Variants in AXDND1 observed in about 807,000 individuals in gnomAD.
AXDND1 encodes axonemal dynein light chain domain containing 1.
Under a neutral mutation model 137.5 loss-of-function variants are expected in AXDND1, and 110 were observed. The observed-to-expected ratio is 0.80, with a 90% CI of 0.69 to 0.94. The LOEUF (loss-of-function observed/expected upper bound fraction) is 0.94. Among genes scored for constraint, AXDND1 ranks in the 40% least tolerant of loss-of-function variants. The pLI is 0.00. For synonymous variants in AXDND1, 414 were observed against 399.7 expected, an observed-to-expected ratio of 1.04 and a Z score of -0.43; for missense variants, 1,191 against 1,169.8, an observed-to-expected ratio of 1.02 and a Z score of -0.26.
At chr1:179,441,419 G>A (rs1260125598) in intron 15 of AXDND1, among the ~76,000 whole-genome samples, 1 of 152,192 alleles carries the variant, frequency 6.6e-6, no homozygotes, top group Non-Finnish European at 1.5e-5. Context: ...TAACACTGCA[G>A]AGCAATGAAG....
intron 23 of AXDND1, among the ~76,000 whole-genome samples, chr1:179,531,354 A>G (rs1671022258): frequency 6.6e-6 from 1 of 152,166 alleles, no homozygotes; most frequent in African/African-American, 2.4e-5. Flanking sequence ...GGTCCCTCTC[A>G]TACTCCTAAC....
intron 15 of AXDND1, among the ~76,000 whole-genome samples, chr1:179,434,693 G>T (rs1657877614): frequency 6.6e-6 from 1 of 152,074 alleles, no homozygotes; most frequent in Non-Finnish European, 1.5e-5. Context: ...GGTATTGATA[G>T]AACATATCTC....
chr1:179,467,331 A>T (rs1205004159), intron 16 of AXDND1, among the ~76,000 whole-genome samples: 1 of 152,166 alleles, frequency 6.6e-6, no homozygotes, highest in African/African-American at 2.4e-5. Context: ...TAAAATGGCA[A>T]TACTTATCCA....
chr1:179,490,886 T>C (rs1215471112), intron 18 of AXDND1, among the ~76,000 whole-genome samples: 1 of 152,246 alleles, frequency 6.6e-6, no homozygotes, highest in African/African-American at 2.4e-5. Flanking sequence ...ATGCTGTGTC[T>C]GGTAGATGTT....
intron 12 of AXDND1, among the ~76,000 whole-genome samples, chr1:179,417,914 T>C (rs1244490118): frequency 1.3e-5 from 2 of 151,752 alleles, no homozygotes; most frequent in African/African-American, 4.8e-5. Context: ...TGTATAGATC[T>C]TTTACTTCTT....
In AXDND1 at chr1:179,430,468, C is replaced by T. The variant is rs146154138; in HGVS notation, c.1349C>T (p.Ala450Val). 2 of 1,612,402 alleles carry T rather than the reference C, an allele frequency of 1.2e-6. No homozygotes were observed. Among genetic ancestry groups the T allele is most frequent in the African/African-American group, 1.3e-5 (1 of 74,782 alleles). The change falls in exon 14 of 26, where the codon GCA becomes GTA. Residue 450 changes from alanine (A) to valine (V), a missense_variant. Physicochemically the swap from Ala to Val is moderately conservative, Grantham distance 64. Transcript: ENST00000367618. ...TTTATATAGGACACTGAAGACCTTG[C>T]ACTGTTGCAGAAGTTGACACAAAAA... ...LLSNKDTEDL[A>V]LLQKLTQKWR...
chr1:179,525,104 T>C (rs1327411359), intron 21 of AXDND1, among the ~76,000 whole-genome samples: 1 of 152,218 alleles, frequency 6.6e-6, no homozygotes, highest in East Asian at 1.9e-4. Context: ...CCCAGTCCAC[T>C]ACCTGGTCTA....
intron 20 of AXDND1, among the ~76,000 whole-genome samples, chr1:179,493,731 T>A (rs1590785): frequency 1.3e-5 from 2 of 152,120 alleles, no homozygotes; most frequent in South Asian, 4.1e-4. Flanking sequence ...ATCTCCAACA[T>A]AAAGAAAAGA....
intron 11 of AXDND1, among the ~76,000 whole-genome samples, chr1:179,399,787 A>G (rs1651673333): frequency 6.6e-6 from 1 of 152,228 alleles, no homozygotes; most frequent in Non-Finnish European, 1.5e-5. Context: ...ACAATTCTCA[A>G]AAGAAGATAT....
At chr1:179,391,058 G>A (rs1156892457) in intron 9 of AXDND1, among the ~76,000 whole-genome samples, 3 of 151,072 alleles carry the variant, frequency 2.0e-5, no homozygotes, top group East Asian at 1.9e-4. Context: ...CACCCACCTC[G>A]GGCCCCCAAA....
chr1:179,475,626 G>GT (rs555297822), intron 17 of AXDND1, among the ~76,000 whole-genome samples: 24 of 152,156 alleles, frequency 1.6e-4, no homozygotes, highest in South Asian at 4.1e-4. Flanking sequence ...GGAATTAACT[G>GT]TTTTTTTTAT....
intron 4 of AXDND1, among the ~76,000 whole-genome samples, chr1:179,372,946 G>A (rs1289998173): frequency 6.6e-6 from 1 of 152,166 alleles, no homozygotes; most frequent in African/African-American, 2.4e-5. Context: ...GCCTCTCAAA[G>A]TGCTGGGATT....
chr1:179,476,225 A>G (rs1664607371), intron 17 of AXDND1, among the ~76,000 whole-genome samples: 1 of 152,170 alleles, frequency 6.6e-6, no homozygotes, highest in African/African-American at 2.4e-5. Flanking sequence ...TTATAATTAT[A>G]AATTTACCAT....
chr1:179,400,190 C>T (rs924416766), intron 11 of AXDND1, among the ~76,000 whole-genome samples: 4 of 152,038 alleles, frequency 2.6e-5, no homozygotes, highest in Admixed American at 1.3e-4. Context: ...CATCAATCAA[C>T]GAGTGGATAA....
intron 15 of AXDND1, among the ~76,000 whole-genome samples, chr1:179,439,682 C>T (rs1262072885): frequency 6.6e-6 from 1 of 152,174 alleles, no homozygotes. Flanking sequence ...TTCTCAGCTT[C>T]CTGCATGGTT....
intron 12 of AXDND1, among the ~76,000 whole-genome samples, chr1:179,414,456 G>A (rs1023206734): frequency 2.1e-5 from 3 of 146,210 alleles, no homozygotes; most frequent in African/African-American, 5.0e-5. Flanking sequence ...ATGGAGTCTC[G>A]CTCTTTCACC....
In AXDND1 at chr1:179,366,129, ATG is replaced by A. The variant is rs1491291325; in HGVS notation, c.-107+130_-107+131del. On this transcript the variant is annotated intron_variant, in intron 1 of 25. Coordinates refer to ENST00000367618, the MANE Select transcript of AXDND1 (RefSeq NM_144696.6). ...CGAGAGCGCTGCCTGTGGGGAAGGT[ATG>A]GTCCCCAGCCGAGCCGCCTGCAGCG... 171 of 29,796 alleles carry A rather than the reference ATG, an allele frequency of 5.7e-3. 1 individual carries two copies. The highest frequency in any genetic ancestry group is 0.019 in the African/African-American group (101 of 5,286). The allele number at this position is 29,796 out of a possible 1,614,324, so 1.8% of individuals were successfully genotyped here. A position where few individuals can be genotyped will look rare whatever the true frequency, so the allele number is the denominator to read the frequency against.
intron 25 of AXDND1, chr1:179,551,046 C>T (rs539042910): frequency 1.4e-5 from 16 of 1,119,746 alleles, no homozygotes; most frequent in South Asian, 1.2e-4. Flanking sequence ...ATTGTGACTT[C>T]GTGCATTCCA....
chr1:179,480,923 T>TTTTA (rs139572314), intron 17 of AXDND1, among the ~76,000 whole-genome samples: 1 of 150,074 alleles, frequency 6.7e-6, no homozygotes, highest in Non-Finnish European at 1.5e-5. Flanking sequence ...TTGTTTTTGC[T>TTTTA]TTTATTTATT....
Sources: gnomAD v4.1 joint callset for allele counts (sites outside exome capture counted in the v4.1 genomes callset) on GRCh38, gnomAD v4.1.1 for gene constraint, MANE v1.5 for transcripts, NCBI Gene and HGNC (gene_info 2026-07-23, HGNC 2026-07-21) for gene names.